PPP1R9A: variants seen among roughly 807,000 people sequenced by gnomAD.
PPP1R9A encodes the protein protein phosphatase 1 regulatory subunit 9A.
Under a neutral mutation model 141.9 loss-of-function variants are expected in PPP1R9A, and 59 were observed. That is an observed-to-expected ratio of 0.42 (90% CI 0.34 to 0.52). The LOEUF (loss-of-function observed/expected upper bound fraction) is 0.52. Among genes scored for constraint, PPP1R9A ranks in the 20% least tolerant of loss-of-function variants. PPP1R9A has a pLI of 0.10. For missense variants in PPP1R9A, 1,444 were observed against 1,611.9 expected, an observed-to-expected ratio of 0.90 and a Z score of 1.78; for synonymous variants, 500 against 569.7, an observed-to-expected ratio of 0.88 and a Z score of 1.74.
chr7:94,939,218 ATACT>A (rs533568043), intron 2 of PPP1R9A, among the ~76,000 whole-genome samples: 105 of 152,298 alleles, frequency 6.9e-4, no homozygotes, highest in Middle Eastern at 6.8e-3. Flanking sequence ...AGGGATAATA[ATACT>A]TTTTCACAGT....
chr7:95,202,360 A>C (rs942173602), intron 6 of PPP1R9A, among the ~76,000 whole-genome samples: 6 of 152,096 alleles, frequency 3.9e-5, no homozygotes, highest in African/African-American at 1.2e-4. Context: ...TGATTAAAAA[A>C]AAATGTTAAA....
At chr7:94,971,382 G>A (rs1240830221) in intron 2 of PPP1R9A, among the ~76,000 whole-genome samples, 1 of 152,198 alleles carries the variant, frequency 6.6e-6, no homozygotes, top group East Asian at 1.9e-4. Flanking sequence ...AATTGCTAAA[G>A]ATGACCAAGC....
Position 95,114,266 on chromosome 7 carries a change from AG to A in PPP1R9A, c.1528+2876del, listed in dbSNP as rs572052147. On this transcript the variant is annotated intron_variant, in intron 3 of 19. Coordinates refer to ENST00000433360, the MANE Select transcript of PPP1R9A (RefSeq NM_001166160.2). Reference sequence around the variant, plus strand: ...AGGGAAAGTAAAAATAGCAAACCACAGAAGAAACCATTTAGTGTAATATAAT... The same window carrying A: ...AGGGAAAGTAAAAATAGCAAACCACAAAGAAACCATTTAGTGTAATATAAT... Among the ~76,000 whole-genome samples the A allele has an allele frequency of 5.9e-5, 9 of 152,324 alleles. No homozygotes were observed. The South Asian group carries it at 1.9e-3, about 32-fold the overall frequency.
At chr7:94,955,467 G>A (rs1042977372) in intron 2 of PPP1R9A, among the ~76,000 whole-genome samples, 3 of 151,818 alleles carry the variant, frequency 2.0e-5, no homozygotes, top group Non-Finnish European at 2.9e-5. Flanking sequence ...GTCCAAAATA[G>A]TTCTCCTATT....
intron 2 of PPP1R9A, among the ~76,000 whole-genome samples, chr7:94,961,096 T>C (rs1177140188): frequency 6.6e-6 from 1 of 151,584 alleles, no homozygotes; most frequent in Non-Finnish European, 1.5e-5. Flanking sequence ...ATGTATTTAG[T>C]CTGGAAGGAA....
intron 2 of PPP1R9A, among the ~76,000 whole-genome samples, chr7:94,919,952 G>A (rs1028267422): frequency 1.1e-4 from 16 of 151,818 alleles, no homozygotes; most frequent in African/African-American, 3.4e-4. Flanking sequence ...ATTGTTTCTC[G>A]GCTTTACCAT....
At chr7:94,936,014 T>C (rs1191292338) in intron 2 of PPP1R9A, among the ~76,000 whole-genome samples, 1 of 152,184 alleles carries the variant, frequency 6.6e-6, no homozygotes, top group African/African-American at 2.4e-5. Context: ...TATGTTTACA[T>C]TTGTAAAAGA....
At chr7:95,255,909 A>G (rs1157530876) in intron 12 of PPP1R9A, among the ~76,000 whole-genome samples, 1 of 152,084 alleles carries the variant, frequency 6.6e-6, no homozygotes, top group East Asian at 1.9e-4. Context: ...CATAACAGGA[A>G]CTTAGTCACT....
At chr7:94,983,615 G>C (rs1228513266) in intron 2 of PPP1R9A, among the ~76,000 whole-genome samples, 1 of 152,094 alleles carries the variant, frequency 6.6e-6, no homozygotes, top group Non-Finnish European at 1.5e-5. Context: ...GTACACTCAT[G>C]ATTTGGCTCT....
At chr7:95,273,370 A>G (rs1585577891) in intron 14 of PPP1R9A, among the ~76,000 whole-genome samples, 1 of 152,202 alleles carries the variant, frequency 6.6e-6, no homozygotes, top group African/African-American at 2.4e-5. Context: ...GCCACAGGCC[A>G]TTAGCAAAGG....
chr7:95,037,287 T>A (rs1276954214), intron 2 of PPP1R9A, among the ~76,000 whole-genome samples: 2 of 152,152 alleles, frequency 1.3e-5, no homozygotes, highest in African/African-American at 4.8e-5. Flanking sequence ...TGCTTTTCTT[T>A]AACTGAAAAA....
intron 4 of PPP1R9A, among the ~76,000 whole-genome samples, chr7:95,132,161 A>C (rs1194090492): frequency 6.6e-6 from 1 of 152,008 alleles, no homozygotes; most frequent in African/African-American, 2.4e-5. Flanking sequence ...TTCTTTTCTT[A>C]TTTGGATGTC....
chr7:94,935,447 C>G (rs1373490033), intron 2 of PPP1R9A, among the ~76,000 whole-genome samples: 2 of 152,118 alleles, frequency 1.3e-5, no homozygotes, highest in Non-Finnish European at 2.9e-5. Context: ...TACCATGCCC[C>G]CTTCTTAGAA....
intron 5 of PPP1R9A, among the ~76,000 whole-genome samples, chr7:95,189,057 G>C (rs557312455): frequency 6.6e-6 from 1 of 151,982 alleles, no homozygotes; most frequent in Non-Finnish European, 1.5e-5. Flanking sequence ...TAGTTTTGCT[G>C]GATACAGAGT....
chr7:95,027,396 G>T (rs1412445899), intron 2 of PPP1R9A, among the ~76,000 whole-genome samples: 1 of 152,004 alleles, frequency 6.6e-6, no homozygotes, highest in African/African-American at 2.4e-5. Flanking sequence ...GCTTCGGCTC[G>T]CCCCAAGTGG....
chr7:94,921,313 T>A (rs796644007), intron 2 of PPP1R9A, among the ~76,000 whole-genome samples: 7 of 151,842 alleles, frequency 4.6e-5, no homozygotes, highest in African/African-American at 1.7e-4. Flanking sequence ...TGGGCGTGGT[T>A]GCGGGCGCCT....
At chr7:95,119,760 T>A (rs1822195264) in intron 3 of PPP1R9A, among the ~76,000 whole-genome samples, 1 of 151,812 alleles carries the variant, frequency 6.6e-6, no homozygotes, top group Non-Finnish European at 1.5e-5. Context: ...AGGCGCTTCA[T>A]TGGTTTTTAA....
intron 14 of PPP1R9A, among the ~76,000 whole-genome samples, chr7:95,271,759 C>G (rs1198062403): frequency 6.6e-6 from 1 of 152,010 alleles, no homozygotes; most frequent in East Asian, 1.9e-4. Context: ...AATCTGGGGG[C>G]TCAGATGTAT....
chr7:95,036,432 G>A (rs1469221770), intron 2 of PPP1R9A: 2 of 152,178 alleles, frequency 1.3e-5, no homozygotes, highest in African/African-American at 4.8e-5. Context: ...GTTCTAGGCT[G>A]TTCTTGCTGG....
Sources: allele counts gnomAD v4.1 joint callset (sites outside exome capture counted in the v4.1 genomes callset), GRCh38; gene constraint gnomAD v4.1.1; transcripts MANE v1.5; gene names NCBI Gene and HGNC (gene_info 2026-07-23, HGNC 2026-07-21).